The following COX7B2 variants were observed in gnomAD, a reference collection of about 807,000 sequenced individuals.
COX7B2 encodes the protein cytochrome c oxidase subunit 7B2, mitochondrial.
For synonymous variants in COX7B2, 37 were observed against 32.1 expected (o/e 1.15, Z -0.51); for missense variants, 109 against 95.9 (o/e 1.14, Z -0.57).
At chr4:46,903,800 C>T (rs753936200) in intron 1 of COX7B2, 2 of 152,138 alleles carry the variant, frequency 1.3e-5, no homozygotes, top group African/African-American at 2.4e-5. Context: ...TACTATATAG[C>T]CTATGTGTGT....
chr4:46,780,333 T>C (rs752510568), intron 2 of COX7B2, among the ~76,000 whole-genome samples: 4 of 152,006 alleles, frequency 2.6e-5, no homozygotes, highest in Non-Finnish European at 5.9e-5. Context: ...CTGGCTAACA[T>C]GGTAAAAACC....
At chr4:46,889,866 G>C (rs1409237778) in intron 1 of COX7B2, among the ~76,000 whole-genome samples, 1 of 148,894 alleles carries the variant, frequency 6.7e-6, no homozygotes, top group Non-Finnish European at 1.5e-5. Flanking sequence ...CCAAGGAGTT[G>C]AATTTTTGAG....
intron 1 of COX7B2, among the ~76,000 whole-genome samples, chr4:46,854,419 G>A (rs1253898492): frequency 6.6e-6 from 1 of 152,162 alleles, no homozygotes; most frequent in Non-Finnish European, 1.5e-5. Flanking sequence ...CAAGACAGTA[G>A]CCACACTAGC....
At chr4:46,755,571 TG>T (rs2109451559) in intron 2 of COX7B2, among the ~76,000 whole-genome samples, 1 of 152,174 alleles carries the variant, frequency 6.6e-6, no homozygotes, top group Non-Finnish European at 1.5e-5. Context: ...AAAATCCTAA[TG>T]ACTCCACCAA....
intron 2 of COX7B2, among the ~76,000 whole-genome samples, chr4:46,794,863 A>C (rs2109598365): frequency 6.6e-6 from 1 of 152,312 alleles, no homozygotes. Context: ...TGATCTGCAG[A>C]AGCAGAAAAG....
intron 1 of COX7B2, among the ~76,000 whole-genome samples, chr4:46,895,320 G>A (rs1217716094): frequency 2.0e-5 from 3 of 152,122 alleles, no homozygotes; most frequent in African/African-American, 7.2e-5. Flanking sequence ...AAAAAAGAAT[G>A]AGACCCTGTC....
At chr4:46,872,090 G>C (rs1023882917) in intron 1 of COX7B2, among the ~76,000 whole-genome samples, 5 of 152,136 alleles carry the variant, frequency 3.3e-5, no homozygotes, top group Non-Finnish European at 7.3e-5. Context: ...ATCAGTGTCA[G>C]ACTGAATAAA....
rs567446628 is a variant in COX7B2 at position 46,781,841 on chromosome 4, T to C, written c.-49-46600A>G. ...CACCCAAGCCAGCAGCTGCAGAGGA[T>C]GTGCGGGGTCCCTCAGCATTACCTG... On this transcript the variant is annotated intron_variant, in intron 2 of 2. Transcript: ENST00000355591. 1.2e-3 allele frequency among the ~76,000 whole-genome samples: 187 copies of C among 152,316 alleles called. 1 individual carries two copies. The highest frequency in any genetic ancestry group is 4.3e-3 in the African/African-American group (177 of 41,590).
intron 2 of COX7B2, among the ~76,000 whole-genome samples, chr4:46,772,400 T>C (rs1716925913): frequency 6.6e-6 from 1 of 152,242 alleles, no homozygotes; most frequent in African/African-American, 2.4e-5. Flanking sequence ...TGATACTGTA[T>C]AGTATGCTCG....
intron 2 of COX7B2, among the ~76,000 whole-genome samples, chr4:46,765,074 T>G (rs903366820): frequency 1.3e-5 from 2 of 151,548 alleles, no homozygotes; most frequent in African/African-American, 4.9e-5. Flanking sequence ...AGTGCAGAAG[T>G]GATGTCAACA....
In COX7B2 at chr4:46,833,135, C is replaced by T. The variant is rs573985481; in HGVS notation, c.-50+11825G>A. Among the ~76,000 whole-genome samples the T allele has an allele frequency of 9.2e-5, 14 of 152,240 alleles. No individual in the cohort carries two copies. The South Asian group carries it at 2.1e-3, about 23-fold the overall frequency. On this transcript the variant is annotated intron_variant, in intron 2 of 2. Transcript: ENST00000355591. Reference sequence around the variant, plus strand: ...GGTCAGGCTGGTCTTCAACTCCCAACCTCAGGTGATCCACCCACCTCGGCC... The same window carrying T: ...GGTCAGGCTGGTCTTCAACTCCCAATCTCAGGTGATCCACCCACCTCGGCC...
At chr4:46,797,616 G>A (rs899866986) in intron 2 of COX7B2, among the ~76,000 whole-genome samples, 19 of 152,136 alleles carry the variant, frequency 1.2e-4, no homozygotes, top group East Asian at 3.8e-4. Flanking sequence ...CCACTTTCCC[G>A]GAAGGGCTGC....
chr4:46,904,816 G>C (rs984064929), intron 1 of COX7B2, among the ~76,000 whole-genome samples: 4 of 152,098 alleles, frequency 2.6e-5, no homozygotes, highest in African/African-American at 9.7e-5. Flanking sequence ...AAAAAATGAG[G>C]TACAGAGCAG....
intron 1 of COX7B2, among the ~76,000 whole-genome samples, chr4:46,887,555 CA>C (rs1252098145): frequency 5.3e-5 from 8 of 151,558 alleles, no homozygotes; most frequent in Non-Finnish European, 1.5e-5. Flanking sequence ...ACCACAAATA[CA>C]AAAAATTAGC....
intron 2 of COX7B2, among the ~76,000 whole-genome samples, chr4:46,825,587 C>T (rs1449198853): frequency 6.6e-6 from 1 of 152,052 alleles, no homozygotes; most frequent in Non-Finnish European, 1.5e-5. Context: ...CAATCCTAAG[C>T]AAAAGGAACA....
At chr4:46,754,231 A>G (rs1461949377) in intron 2 of COX7B2, among the ~76,000 whole-genome samples, 1 of 152,010 alleles carries the variant, frequency 6.6e-6, no homozygotes, top group Non-Finnish European at 1.5e-5. Context: ...CCAAAGGATT[A>G]TAAATCATGC....
At chr4:46,813,780 T>C (rs1254894428) in intron 2 of COX7B2, among the ~76,000 whole-genome samples, 1 of 151,918 alleles carries the variant, frequency 6.6e-6, no homozygotes, top group Non-Finnish European at 1.5e-5. Flanking sequence ...AGAAAAGACA[T>C]GAAAACTATT....
At chr4:46,870,613 C>A (rs1717930114) in intron 1 of COX7B2, among the ~76,000 whole-genome samples, 1 of 152,114 alleles carries the variant, frequency 6.6e-6, no homozygotes. Flanking sequence ...GCTCTGCCAG[C>A]TGATAAACAA....
chr4:46,883,651 T>C (rs926305438), intron 1 of COX7B2, among the ~76,000 whole-genome samples: 1 of 152,040 alleles, frequency 6.6e-6, no homozygotes, highest in African/African-American at 2.4e-5. Flanking sequence ...AGTGGGAGGA[T>C]TGCTTGAACC....
Sources: gnomAD v4.1 joint callset for allele counts (sites outside exome capture counted in the v4.1 genomes callset) on GRCh38, gnomAD v4.1.1 for gene constraint, MANE v1.5 for transcripts, NCBI Gene and HGNC (gene_info 2026-07-23, HGNC 2026-07-21) for gene names.